The following IFIH1 variants were observed in gnomAD, a reference collection of about 807,000 sequenced individuals.
IFIH1 encodes the protein interferon-induced helicase C domain-containing protein 1.
IFIH1 carries 125 observed loss-of-function variants against 107.4 expected under a neutral mutation model. That is an observed-to-expected ratio of 1.16 (90% CI 1.01 to 1.35). The LOEUF (loss-of-function observed/expected upper bound fraction) is 1.35, where lower values mean the gene tolerates loss of function less well. Among genes scored for constraint, IFIH1 ranks in the 40% most tolerant of loss-of-function variants. IFIH1 has a pLI of 0.00. For synonymous variants in IFIH1, 458 were observed against 413.2 expected, an observed-to-expected ratio of 1.11 and a Z score of -1.31; for missense variants, 1,333 against 1,213.7, an observed-to-expected ratio of 1.10 and a Z score of -1.46.
chr2:162,298,578 G>C (rs1448183165), intron 3 of IFIH1, among the ~76,000 whole-genome samples: 1 of 152,100 alleles, frequency 6.6e-6, no homozygotes, highest in Non-Finnish European at 1.5e-5. Flanking sequence ...ACGCCTGGAA[G>C]GTCCAAGCTA....
intron 4 of IFIH1, among the ~76,000 whole-genome samples, chr2:162,292,275 A>G (rs1683008358): frequency 6.6e-6 from 1 of 151,906 alleles, no homozygotes; most frequent in Non-Finnish European, 1.5e-5. Context: ...TAAATTGAAC[A>G]ATTTTATGAC....
At position 162,288,184 on chromosome 2, in the gene IFIH1, T is replaced by A. The variant is rs72650664; in HGVS notation, c.1046A>T (p.Lys349Met). ...AVYIAKDHLDKKKKASEPGKV... is the reference protein window; with the variant it reads ...AVYIAKDHLDMKKKASEPGKV... ...TCCAGGCTCAGATGCTTTTTTCTTC[T>A]TGTCTAAGTGATCCTTGGCAATGTA... The change falls in exon 5 of 16, where the codon AAG becomes ATG. Residue 349 changes from lysine to methionine, a missense_variant. Physicochemically the swap from Lys to Met is moderately conservative, Grantham distance 95. Coordinates refer to ENST00000649979, the MANE Select transcript of IFIH1 (RefSeq NM_022168.4). 6.2e-7 allele frequency: 1 copy of A among 1,612,696 alleles called. No homozygotes were observed. Among genetic ancestry groups the A allele is most frequent in the Non-Finnish European group, 8.5e-7 (1 of 1,179,204 alleles).
chr2:162,316,548 A>G (rs1683490496), intron 1 of IFIH1, among the ~76,000 whole-genome samples: 1 of 152,246 alleles, frequency 6.6e-6, no homozygotes, highest in Non-Finnish European at 1.5e-5. Flanking sequence ...ACAAAAGATC[A>G]CTAACTTTAT....
chr2:162,298,660 T>G (rs1027954256), intron 3 of IFIH1, among the ~76,000 whole-genome samples: 1 of 152,176 alleles, frequency 6.6e-6, no homozygotes, highest in Non-Finnish European at 1.5e-5. Context: ...TCAAGTGGGC[T>G]TACACTCATA....
intron 11 of IFIH1, among the ~76,000 whole-genome samples, chr2:162,276,000 C>T (rs1238722935): frequency 4.6e-5 from 7 of 152,102 alleles, no homozygotes; most frequent in Admixed American, 1.3e-4. Flanking sequence ...CTAGTTATAA[C>T]GAACACATTT....
chr2:162,285,722 C>T (rs1682882822), intron 5 of IFIH1, among the ~76,000 whole-genome samples: 1 of 151,736 alleles, frequency 6.6e-6, no homozygotes, highest in South Asian at 2.1e-4. Context: ...AGATCCAATG[C>T]AATGAAAGAT....
At position 162,297,671 on chromosome 2, in the gene IFIH1, T is replaced by C. The variant is rs1476646774; in HGVS notation, c.770-4003A>G. Among the ~76,000 whole-genome samples the C allele has an allele frequency of 1.3e-5, 2 of 152,182 alleles. 1 individual carries two copies. Among genetic ancestry groups the C allele is most frequent in the East Asian group, 3.9e-4 (2 of 5,192 alleles). ...TAGGTGTCATTTCCTCTAGGGAAAA[T>C]ATCAAAGCTAACTATGAAACAGATT... On this transcript the variant is annotated intron_variant, in intron 3 of 15. Transcript: ENST00000649979.
At chr2:162,317,816 T>A (rs914842050) in intron 1 of IFIH1, 39 bp downstream of exon 1, 1 of 1,499,406 alleles carries the variant, frequency 6.7e-7, no homozygotes, top group East Asian at 2.3e-5. Context: ...CTTTGCAAAA[T>A]CTGCCTAAAA....
chr2:162,293,683 A>ATTTTAAAATAT lies in IFIH1; in HGVS notation c.770-26_770-16dup, dbSNP rs1231500153. ...TGTGTCTGATTCTGCAAAGGAAAAC[A>ATTTTAAAATAT]TTTTAAAATATTTTTAAAATATTTC... is the stretch of plus-strand genomic sequence containing the variant. On this transcript the variant is annotated splice_polypyrimidine_tract_variant and intron_variant, in intron 3 of 15. Transcript: ENST00000649979. 1.1e-5 allele frequency: 17 copies of ATTTTAAAATAT among 1,504,294 alleles called. No individual in the cohort carries two copies. The highest frequency in any genetic ancestry group is 1.6e-5 in the Non-Finnish European group (17 of 1,082,494). The allele number at this position is 1,504,294 out of a possible 1,614,324, so 93.2% of individuals were successfully genotyped here. A position where few individuals can be genotyped will look rare whatever the true frequency, so the allele number is the denominator to read the frequency against.
At position 162,277,422 on chromosome 2, in the gene IFIH1, TAA is replaced by T. The variant is rs774076578; in HGVS notation, c.2035_2036del (p.Leu679IlefsTer3). The T allele has an allele frequency of 1.3e-4, 211 of 1,606,528 alleles. No homozygotes were observed. Among genetic ancestry groups the T allele is most frequent in the Middle Eastern group, 5.0e-4 (3 of 6,052 alleles). On this transcript the variant is annotated frameshift_variant, in exon 10 of 16. Transcript: ENST00000649979. LOFTEE classifies it high-confidence loss of function. The stretch of plus-strand genomic sequence containing the variant: ...TGTTACTTTGAATCTTACCAAAAAA[TAA>T]AGTCATGAGAAATCTATCTGTTTCA... ...LDETDRFLMTLFFENNKMLKR... is the reference protein window; with the variant it reads ...LDETDRFLMTXFFENNKMLKR...
rs1682831339 is a variant in IFIH1 at position 162,282,587 on chromosome 2, T to A, written c.1096-11A>T. 1 of 1,573,882 alleles carries A rather than the reference T, an allele frequency of 6.4e-7. No homozygotes were observed. Among genetic ancestry groups the A allele is most frequent in the Admixed American group, 1.8e-5 (1 of 56,820 alleles). On this transcript the variant is annotated splice_polypyrimidine_tract_variant and intron_variant, in intron 5 of 15. Coordinates refer to ENST00000649979, the MANE Select transcript of IFIH1 (RefSeq NM_022168.4). ...TTCAACTAGCAGTACCTTAAAAAAA[T>A]GTGAAGATTTTTTAAAAGAGAGAAA...
chr2:162,290,175 C>T (rs1682971827), intron 4 of IFIH1, among the ~76,000 whole-genome samples: 1 of 151,840 alleles, frequency 6.6e-6, no homozygotes, highest in Non-Finnish European at 1.5e-5. Context: ...TTAATTTCAT[C>T]TGAGTTTCAT....
At position 162,298,278 on chromosome 2, in the gene IFIH1, C is replaced by T. The variant is rs550656676; in HGVS notation, c.770-4610G>A. On this transcript the variant is annotated intron_variant, in intron 3 of 15. Transcript: ENST00000649979. ...TTTTGGCCTAGAGGCATTTATCACC[C>T]CACAGAATATCTTTCGTTTCTTTCC... Among the ~76,000 whole-genome samples, 4 of 152,254 alleles carry T rather than the reference C, an allele frequency of 2.6e-5. No homozygotes were observed. The South Asian group carries it at 8.3e-4, about 32-fold the overall frequency.
intron 5 of IFIH1, among the ~76,000 whole-genome samples, chr2:162,282,976 G>C (rs1682836799): frequency 6.6e-6 from 1 of 151,322 alleles, no homozygotes; most frequent in African/African-American, 2.4e-5. Context: ...GAAGGAATTT[G>C]AATCTAGTAA....
chr2:162,305,559 G>A (rs1336901216), intron 3 of IFIH1, among the ~76,000 whole-genome samples: 1 of 150,612 alleles, frequency 6.6e-6, no homozygotes, highest in East Asian at 1.9e-4. Flanking sequence ...GACTGAGTGA[G>A]ATTCCATCTC....
chr2:162,297,205 A>C (rs1391719413), intron 3 of IFIH1, among the ~76,000 whole-genome samples: 1 of 152,172 alleles, frequency 6.6e-6, no homozygotes, highest in African/African-American at 2.4e-5. Context: ...CGTGAAGCCA[A>C]AATTAAACCG....
chr2:162,274,109 G>A (rs1270641368), intron 11 of IFIH1, among the ~76,000 whole-genome samples, 165 bp from the exon 12 acceptor site: 2 of 152,140 alleles, frequency 1.3e-5, no homozygotes, highest in East Asian at 3.9e-4. Flanking sequence ...AGACATAATG[G>A]TGAGACAACA....
intron 13 of IFIH1, among the ~76,000 whole-genome samples, chr2:162,268,606 T>C (rs1690972572): frequency 6.6e-6 from 1 of 152,060 alleles, no homozygotes; most frequent in South Asian, 2.1e-4. Context: ...TATTTATTTA[T>C]TGAGATGGAG....
Position 162,267,215 on chromosome 2 carries a change from A to G in IFIH1, c.3063T>C (p.Phe1021=). The G allele has an allele frequency of 6.3e-7, 1 of 1,591,238 alleles. No individual in the cohort carries two copies. The highest frequency in any genetic ancestry group is 8.5e-7 in the Non-Finnish European group (1 of 1,172,936). Residue 1021 remains phenylalanine, a synonymous_variant, in exon 16 of 16, where the codon TTT becomes TTC. Coordinates refer to ENST00000649979, the MANE Select transcript of IFIH1 (RefSeq NM_022168.4). ...CAATCAAGTGCTAATCCTCATCACT[A>G]AATAAACAGCATTCTGAATAGTCAA... ...PNLDYSECCL[F]SDED
Sources: gnomAD v4.1 joint callset for allele counts (sites outside exome capture counted in the v4.1 genomes callset) on GRCh38, gnomAD v4.1.1 for gene constraint, MANE v1.5 for transcripts, NCBI Gene and HGNC (gene_info 2026-07-23, HGNC 2026-07-21) for gene names.